Variants in TFAP2D observed in about 807,000 individuals in gnomAD.
The protein encoded by TFAP2D is transcription factor AP-2 delta.
A neutral mutation model predicts 43.6 loss-of-function variants in TFAP2D; 9 were observed. The ratio of observed to expected loss-of-function variants is 0.21; its 90% CI spans 0.12 to 0.36. The LOEUF is 0.36. Among genes scored for constraint, TFAP2D ranks in the 10% least tolerant of loss-of-function variants. TFAP2D has a pLI of 1.00. For missense variants in TFAP2D, 513 were observed against 561.4 expected, an observed-to-expected ratio of 0.91 and a Z score of 0.87; for synonymous variants, 256 against 224.9, an observed-to-expected ratio of 1.14 and a Z score of -1.24.
chr6:50,723,947 G>A (rs963581913), intron 3 of TFAP2D, among the ~76,000 whole-genome samples: 4 of 152,110 alleles, frequency 2.6e-5, no homozygotes, highest in Admixed American at 1.3e-4. Flanking sequence ...AAAAGGAGAA[G>A]CTCATTCGGC....
At chr6:50,728,166 C>T (rs1768835464) in intron 3 of TFAP2D, among the ~76,000 whole-genome samples, 1 of 152,092 alleles carries the variant, frequency 6.6e-6, no homozygotes, top group Non-Finnish European at 1.5e-5. Context: ...TTTACAATGA[C>T]AATTATAAAA....
chr6:50,744,449 A>T (rs1769096139), intron 5 of TFAP2D, among the ~76,000 whole-genome samples: 1 of 151,164 alleles, frequency 6.6e-6, no homozygotes, highest in Non-Finnish European at 1.5e-5. Context: ...TTTAAATAAA[A>T]GTTTAGTGGA....
intron 3 of TFAP2D, among the ~76,000 whole-genome samples, chr6:50,724,284 G>GA (rs370773064): frequency 0.064 from 9,654 of 151,816 alleles, 405 homozygotes; most frequent in Middle Eastern, 0.11. Context: ...TAATGTGTCA[G>GA]AAAAAAAAGA....
rs1768567130 is a variant in TFAP2D at position 50,713,775 on chromosome 6, A to AG, written c.-278dup. 1 of 532,226 alleles carries AG rather than the reference A, an allele frequency of 1.9e-6. No homozygotes were observed. The highest frequency in any genetic ancestry group is 3.3e-6 in the Non-Finnish European group (1 of 305,360). 33.0% of individuals were successfully genotyped at this position (532,226 alleles called of 1,614,324 possible). A position where few individuals can be genotyped will look rare whatever the true frequency, so the allele number is the denominator to read the frequency against. The stretch of plus-strand genomic sequence containing the variant: ...AATTTTCAAAACTTCTATATTACCA[A>AG]GGGACCTACGACATCAGCCAAAGAA... On this transcript the variant is annotated 5_prime_UTR_variant, in exon 1 of 8. The change creates a premature stop within an existing upstream ORF in the 5' untranslated region. Coordinates refer to ENST00000008391, the MANE Select transcript of TFAP2D (RefSeq NM_172238.4).
chr6:50,738,159 G>T (rs2114044881), intron 5 of TFAP2D, among the ~76,000 whole-genome samples: 1 of 152,158 alleles, frequency 6.6e-6, no homozygotes, highest in South Asian at 2.1e-4. Context: ...AGGAGATTCA[G>T]AATATTCTTG....
chr6:50,721,565 A>G (rs556851399), intron 3 of TFAP2D, among the ~76,000 whole-genome samples: 84 of 152,242 alleles, frequency 5.5e-4, no homozygotes, highest in Admixed American at 9.8e-4. Context: ...AAAGAAGCCT[A>G]TTTTCTCAAT....
chr6:50,715,659 C>T (rs1280981343), intron 2 of TFAP2D, 46 bp downstream of exon 2: 13 of 1,533,866 alleles, frequency 8.5e-6, no homozygotes, highest in Non-Finnish European at 9.6e-6. Flanking sequence ...CCCTCTTCGC[C>T]CTCCCCCTGC....
intron 5 of TFAP2D, among the ~76,000 whole-genome samples, chr6:50,737,899 A>G (rs1332031007): frequency 6.6e-6 from 1 of 152,170 alleles, no homozygotes; most frequent in Non-Finnish European, 1.5e-5. Flanking sequence ...AGTTCCACAG[A>G]TATGCAAGTA....
intron 7 of TFAP2D, among the ~76,000 whole-genome samples, chr6:50,764,865 C>T (rs1769420305): frequency 6.6e-6 from 1 of 152,094 alleles, no homozygotes; most frequent in African/African-American, 2.4e-5. Flanking sequence ...GAAATGATCA[C>T]AACAATCAAG....
intron 5 of TFAP2D, among the ~76,000 whole-genome samples, chr6:50,736,959 T>G (rs931922079): frequency 2.0e-5 from 3 of 152,108 alleles, no homozygotes; most frequent in African/African-American, 7.2e-5. Flanking sequence ...AACTAATGCT[T>G]TATTCCTTTT....
At chr6:50,764,135 A>G (rs138042171) in intron 7 of TFAP2D, among the ~76,000 whole-genome samples, 73 of 152,138 alleles carry the variant, frequency 4.8e-4, no homozygotes, top group African/African-American at 1.7e-3. Flanking sequence ...GTACTACTTT[A>G]TGTCCCATCT....
chr6:50,767,688 C>G (rs1769463699), intron 7 of TFAP2D, among the ~76,000 whole-genome samples: 1 of 152,030 alleles, frequency 6.6e-6, no homozygotes, highest in South Asian at 2.1e-4. Flanking sequence ...TTTCAATTGG[C>G]TGAGAGAGGG....
At chr6:50,739,827 T>TAAGTGCAGGATATTGAATGGGGAAGA (rs1769012255) in intron 5 of TFAP2D, among the ~76,000 whole-genome samples, 1 of 152,224 alleles carries the variant, frequency 6.6e-6, no homozygotes, top group Non-Finnish European at 1.5e-5. Context: ...GATGCTGTGC[T>TAAGTGCAGGATATTGAATGGGGAAGA]AAGTGCAGGA....
intron 5 of TFAP2D, among the ~76,000 whole-genome samples, chr6:50,731,646 A>T (rs1256839179): frequency 6.6e-6 from 1 of 152,058 alleles, no homozygotes. Flanking sequence ...GTATGAGGAG[A>T]ACATAATCTT....
chr6:50,729,080 C>T (rs570514126), intron 4 of TFAP2D, 59 bp downstream of exon 4: 350 of 1,605,986 alleles, frequency 2.2e-4, no homozygotes, highest in Middle Eastern at 1.0e-3. Flanking sequence ...TACCCTCAAC[C>T]CTTAGTCATG....
rs1768901899 is a variant in TFAP2D at position 50,731,998 on chromosome 6, A to G, written c.883+2686A>G. The stretch of plus-strand genomic sequence containing the variant: ...GGTCTAATGTTTGTTCCATTTCTAC[A>G]GTTTTACTCCTGTATGAATTTCACC... On this transcript the variant is annotated intron_variant, in intron 5 of 7. Transcript: ENST00000008391. 2.6e-5 allele frequency among the ~76,000 whole-genome samples: 4 copies of G among 152,126 alleles called. No homozygotes were observed. In the East Asian group the frequency reaches 7.7e-4, roughly 29 times the overall value.
intron 7 of TFAP2D, among the ~76,000 whole-genome samples, chr6:50,770,498 A>C (rs773324196): frequency 2.0e-5 from 3 of 152,138 alleles, no homozygotes; most frequent in African/African-American, 2.4e-5. Flanking sequence ...AATGAGGGAC[A>C]TGCAGAAATT....
At position 50,772,626 on chromosome 6, in the gene TFAP2D, T is replaced by C. The variant is rs757539819; in HGVS notation, c.1140-19T>C. 1.6e-5 allele frequency: 25 copies of C among 1,609,338 alleles called. No homozygotes were observed. The highest frequency in any genetic ancestry group is 2.0e-5 in the Non-Finnish European group (23 of 1,176,212). On this transcript the variant is annotated intron_variant, in intron 7 of 7. Transcript: ENST00000008391. ...TGCAAATCATTCACCTCTTTTTTCCTATCACTTCTCATTTCCAGTTTGATC... is the reference window on the plus strand; with the variant it reads ...TGCAAATCATTCACCTCTTTTTTCCCATCACTTCTCATTTCCAGTTTGATC...
chr6:50,723,686 C>T (rs1215453657), intron 3 of TFAP2D, among the ~76,000 whole-genome samples: 1 of 152,136 alleles, frequency 6.6e-6, no homozygotes, highest in African/African-American at 2.4e-5. Context: ...TGTTGGAAAT[C>T]TTTGTGGGCG....
Sources: allele counts gnomAD v4.1 joint callset (sites outside exome capture counted in the v4.1 genomes callset), GRCh38; gene constraint gnomAD v4.1.1; transcripts MANE v1.5; gene names NCBI Gene and HGNC (gene_info 2026-07-23, HGNC 2026-07-21).